SVOPL: variants seen among roughly 807,000 people sequenced by gnomAD.
SVOPL encodes the protein SVOP like, also known as putative transporter SVOPL.
In SVOPL, 60 loss-of-function variants were observed where a neutral mutation model predicts 61.0. That is an observed-to-expected ratio of 0.98 (90% CI 0.80 to 1.22). SVOPL has a LOEUF of 1.22. Ranked by LOEUF, SVOPL falls within the 50% of genes most tolerant of loss-of-function variation. SVOPL has a pLI of 0.00. For missense variants in SVOPL, 662 were observed against 643.9 expected (o/e 1.03, Z -0.30); for synonymous variants, 279 against 250.0 (o/e 1.12, Z -1.09).
chr7:138,595,915 C>T (rs981057446), intron 15 of SVOPL, among the ~76,000 whole-genome samples: 4 of 152,064 alleles, frequency 2.6e-5, no homozygotes, highest in African/African-American at 4.8e-5. Flanking sequence ...AGGCCGGGCA[C>T]GGTGGCTCAC....
intron 11 of SVOPL, 101 bp from the exon 12 acceptor site, chr7:138,627,562 A>G (rs907468062): frequency 3.6e-6 from 3 of 837,818 alleles, no homozygotes; most frequent in Non-Finnish European, 5.8e-6. Context: ...GAAAGAAGCA[A>G]CTTCATCCAA....
chr7:138,694,959 G>A (rs758564299), intron 1 of SVOPL, among the ~76,000 whole-genome samples: 10 of 151,964 alleles, frequency 6.6e-5, no homozygotes, highest in Admixed American at 3.9e-4. Context: ...GGCTGGTCTC[G>A]AACTCCTGAC....
At chr7:138,649,531 A>T (rs752036047) in intron 7 of SVOPL, among the ~76,000 whole-genome samples, 19 of 152,250 alleles carry the variant, frequency 1.2e-4, no homozygotes, top group South Asian at 4.1e-4. Flanking sequence ...TCCTGACCTC[A>T]AATGATCCAC....
chr7:138,678,166 A>G (rs1464043261), intron 3 of SVOPL, among the ~76,000 whole-genome samples: 1 of 152,156 alleles, frequency 6.6e-6, no homozygotes, highest in Non-Finnish European at 1.5e-5. Flanking sequence ...ATTTACCTAT[A>G]GCCTGAAAGT....
At chr7:138,622,278 C>G (rs201709647) in intron 13 of SVOPL, among the ~76,000 whole-genome samples, 59 of 137,788 alleles carry the variant, frequency 4.3e-4, no homozygotes, top group East Asian at 1.6e-3. Context: ...ATGTATCTAT[C>G]TATCTATCTA....
In SVOPL at chr7:138,669,614, A is replaced by T. The variant is rs533271823; in HGVS notation, c.273+2405T>A. Among the ~76,000 whole-genome samples, 12 of 151,918 alleles carry T rather than the reference A, an allele frequency of 7.9e-5. No individual in the cohort carries two copies. In the East Asian group the frequency reaches 2.3e-3, roughly 29 times the overall value. On this transcript the variant is annotated intron_variant, in intron 4 of 15. Coordinates refer to ENST00000674285, the MANE Select transcript of SVOPL (RefSeq NM_001139456.2). ...ACAGAACAACCTTTGTTCCTGTGCA[A>T]CTCCACCCCTCACCTTCCTGTAATG...
intron 14 of SVOPL, among the ~76,000 whole-genome samples, chr7:138,599,734 AAAAATT>A (rs1798432745): frequency 6.6e-6 from 1 of 152,156 alleles, no homozygotes; most frequent in Non-Finnish European, 1.5e-5. Flanking sequence ...CTAAAAGTAG[AAAAATT>A]AGCAGGGCGT....
intron 5 of SVOPL, chr7:138,662,501 T>G: frequency 4.1e-6 from 4 of 985,634 alleles, no homozygotes; most frequent in Non-Finnish European, 3.6e-6. Context: ...GAACAGCTTC[T>G]TCTGAGCTTG....
intron 9 of SVOPL, among the ~76,000 whole-genome samples, chr7:138,644,066 T>G (rs970633232): frequency 3.3e-5 from 5 of 151,676 alleles, no homozygotes; most frequent in African/African-American, 1.2e-4. Flanking sequence ...CTGGGCATAG[T>G]GGCGGGCACC....
At chr7:138,623,079 G>A (rs1473055373) in intron 13 of SVOPL, among the ~76,000 whole-genome samples, 3 of 152,150 alleles carry the variant, frequency 2.0e-5, no homozygotes, top group Non-Finnish European at 4.4e-5. Context: ...CGCCTCACAG[G>A]ACACTGCTAT....
At chr7:138,611,392 CCAAAACAAAA>C (rs113839524) in intron 14 of SVOPL, among the ~76,000 whole-genome samples, 119 of 151,562 alleles carry the variant, frequency 7.9e-4, no homozygotes, top group Middle Eastern at 6.8e-3. Context: ...ACCCCCAACC[CCAAAACAAAA>C]CAAAACAAAA....
At chr7:138,611,317 G>T (rs1195918130) in intron 14 of SVOPL, among the ~76,000 whole-genome samples, 1 of 152,180 alleles carries the variant, frequency 6.6e-6, no homozygotes, top group Non-Finnish European at 1.5e-5. Context: ...GGCAGAGGTT[G>T]TAGTGGGCTG....
intron 4 of SVOPL, among the ~76,000 whole-genome samples, chr7:138,671,342 CAT>C (rs1802411365): frequency 6.6e-6 from 1 of 152,132 alleles, no homozygotes; most frequent in African/African-American, 2.4e-5. Flanking sequence ...ATGTGCAACT[CAT>C]AAGGCTATTT....
intron 1 of SVOPL, among the ~76,000 whole-genome samples, chr7:138,686,155 C>T (rs1584868924): frequency 1.0e-5 from 1 of 99,572 alleles, no homozygotes; most frequent in South Asian, 2.9e-4. Flanking sequence ...GTAATCCCAG[C>T]ACTTTGGGAG....
chr7:138,621,802 G>C (rs999148170), intron 13 of SVOPL, among the ~76,000 whole-genome samples: 14 of 121,854 alleles, frequency 1.1e-4, no homozygotes, highest in African/African-American at 2.5e-4. Context: ...ATCTATCTAT[G>C]TATCTATCTA....
intron 7 of SVOPL, among the ~76,000 whole-genome samples, chr7:138,654,556 G>C (rs995469408): frequency 7.2e-6 from 1 of 139,630 alleles, no homozygotes; most frequent in Non-Finnish European, 1.5e-5. Flanking sequence ...CTGGAATGCT[G>C]TGGTGCAATC....
Position 138,671,808 on chromosome 7 carries a change from G to C in SVOPL, c.273+211C>G, listed in dbSNP as rs117525037. ...TGACTTAGGGATCACTTTCTGAATT[G>C]CATCTCTCATGTGGATAGTAAGCAG... On this transcript the variant is annotated intron_variant, in intron 4 of 15. Transcript: ENST00000674285. Among the ~76,000 whole-genome samples the C allele has an allele frequency of 3.3e-4, 50 of 152,338 alleles. No homozygotes were observed. The East Asian group carries it at 8.9e-3, about 27-fold the overall frequency.
At chr7:138,603,013 T>C (rs1263871967) in intron 14 of SVOPL, among the ~76,000 whole-genome samples, 2 of 152,098 alleles carry the variant, frequency 1.3e-5, no homozygotes, top group Non-Finnish European at 2.9e-5. Flanking sequence ...CATCTGTATA[T>C]AATACATATA....
intron 9 of SVOPL, among the ~76,000 whole-genome samples, chr7:138,637,473 TAG>T (rs1389559736): frequency 0.066 from 1,589 of 24,148 alleles, 41 homozygotes; most frequent in African/African-American, 0.15. Context: ...TATATAGATA[TAG>T]ATATAGATAT....
Sources: gnomAD v4.1 joint callset for allele counts (sites outside exome capture counted in the v4.1 genomes callset) on GRCh38, gnomAD v4.1.1 for gene constraint, MANE v1.5 for transcripts, NCBI Gene and HGNC (gene_info 2026-07-23, HGNC 2026-07-21) for gene names.